The following SH3PXD2A variants were observed in gnomAD, a reference collection of about 807,000 sequenced individuals.
SH3PXD2A encodes the protein SH3 and PX domain-containing protein 2A.
SH3PXD2A carries 32 observed loss-of-function variants against 115.2 expected under a neutral mutation model. That is an observed-to-expected ratio of 0.28 (90% CI 0.21 to 0.37). The LOEUF (loss-of-function observed/expected upper bound fraction) is 0.37, where lower values mean the gene tolerates loss of function less well. SH3PXD2A is among the 10% of genes least tolerant of loss of function. The probability of loss-of-function intolerance (pLI) is 1.00; values close to 1 mark genes in which losing one functional copy is unlikely to be tolerated. For missense variants in SH3PXD2A, 1,328 were observed against 1,498.7 expected, an observed-to-expected ratio of 0.89 and a Z score of 1.88; for synonymous variants, 610 against 629.1, an observed-to-expected ratio of 0.97 and a Z score of 0.45.
chr10:103,738,220 G>A (rs577318941), intron 3 of SH3PXD2A, among the ~76,000 whole-genome samples: 16 of 152,344 alleles, frequency 1.1e-4, no homozygotes, highest in African/African-American at 2.6e-4. Flanking sequence ...GAGATAAAAC[G>A]TGATTTATCC....
intron 5 of SH3PXD2A, among the ~76,000 whole-genome samples, chr10:103,714,230 A>G (rs910267836): frequency 5.3e-5 from 8 of 152,182 alleles, no homozygotes; most frequent in Non-Finnish European, 1.2e-4. Flanking sequence ...AGGGCTCTGT[A>G]GGCCTTCCTT....
intron 2 of SH3PXD2A, among the ~76,000 whole-genome samples, chr10:103,790,101 C>T (rs966508608): frequency 6.6e-6 from 1 of 152,020 alleles, no homozygotes; most frequent in African/African-American, 2.4e-5. Flanking sequence ...CAGGCACACT[C>T]TCAGTGAGGC....
At chr10:103,803,112 CT>C (rs1164799371) in intron 1 of SH3PXD2A, among the ~76,000 whole-genome samples, 2 of 152,196 alleles carry the variant, frequency 1.3e-5, no homozygotes, top group Non-Finnish European at 2.9e-5. Context: ...TCTCTTCTCC[CT>C]TCCTATCTCT....
At chr10:103,690,099 C>T (rs546922671) in intron 6 of SH3PXD2A, among the ~76,000 whole-genome samples, 13 of 152,266 alleles carry the variant, frequency 8.5e-5, no homozygotes, top group South Asian at 2.1e-4. Context: ...GTCACCCCAT[C>T]GGAGCCTCAG....
intron 2 of SH3PXD2A, among the ~76,000 whole-genome samples, chr10:103,787,186 G>A (rs1303465868): frequency 1.3e-5 from 2 of 152,150 alleles, no homozygotes; most frequent in African/African-American, 2.4e-5. Context: ...AATCTGGCTC[G>A]CAGGTGAACC....
At chr10:103,793,441 C>T (rs531000332) in intron 2 of SH3PXD2A, among the ~76,000 whole-genome samples, 12 of 152,294 alleles carry the variant, frequency 7.9e-5, no homozygotes, top group Middle Eastern at 3.4e-3. Context: ...TTTGCTTTGA[C>T]TGCTGTACTA....
At position 103,602,499 on chromosome 10, in the gene SH3PXD2A, T is replaced by C. The variant is rs372246713; in HGVS notation, c.2719A>G (p.Lys907Glu). ...DENEQPDPSG[K>E]ELDTVPAKGR... ...TTGGCGGGCACTGTGTCCAGCTCTT[T>C]GCCAGAGGGGTCAGGTTGCTCGTTC... Residue 907 changes from lysine to glutamate, a missense_variant, in exon 15 of 15, where the codon AAA (lysine) becomes GAA (glutamate). Transcript: ENST00000369774. 8.1e-6 allele frequency: 13 copies of C among 1,614,032 alleles called. No individual in the cohort carries two copies. In the African/African-American group the frequency reaches 1.6e-4, roughly 20 times the overall value.
At chr10:103,814,560 T>C (rs2039304493) in intron 1 of SH3PXD2A, among the ~76,000 whole-genome samples, 1 of 152,140 alleles carries the variant, frequency 6.6e-6, no homozygotes. Context: ...TCTTGTGAAG[T>C]AATGGGATGG....
At chr10:103,848,524 TCTG>T (rs1842868609) in intron 1 of SH3PXD2A, among the ~76,000 whole-genome samples, 1 of 152,206 alleles carries the variant, frequency 6.6e-6, no homozygotes, top group African/African-American at 2.4e-5. Flanking sequence ...CTGAATTCCC[TCTG>T]CTGCCATCGG....
chr10:103,662,555 G>A (rs1339106083), intron 7 of SH3PXD2A, among the ~76,000 whole-genome samples: 3 of 150,284 alleles, frequency 2.0e-5, no homozygotes, highest in Admixed American at 6.6e-5. Context: ...GCCCGCCACC[G>A]CGCCCGGCTA....
intron 1 of SH3PXD2A, among the ~76,000 whole-genome samples, chr10:103,824,896 G>A (rs915161305): frequency 4.6e-5 from 7 of 152,120 alleles, no homozygotes; most frequent in African/African-American, 1.7e-4. Flanking sequence ...TCCACCTCCC[G>A]GATTCAAGCA....
At chr10:103,831,109 T>A (rs1020512022) in intron 1 of SH3PXD2A, among the ~76,000 whole-genome samples, 1 of 152,250 alleles carries the variant, frequency 6.6e-6, no homozygotes, top group Non-Finnish European at 1.5e-5. Context: ...TATTGTTTTG[T>A]GAATAATTTT....
chr10:103,855,367 C>T lies in SH3PXD2A; in HGVS notation c.-101G>A. 2.3e-6 allele frequency: 2 copies of T among 870,790 alleles called. No individual in the cohort carries two copies. The highest frequency in any genetic ancestry group is 3.3e-6 in the Non-Finnish European group (2 of 611,520). 53.9% of individuals were successfully genotyped at this position (870,790 alleles called of 1,614,324 possible). On this transcript the variant is annotated 5_prime_UTR_variant, in exon 1 of 15. Transcript: ENST00000369774. Reference sequence around the variant, plus strand: ...CTGCCGGGGTCCCGGGGCCGCCCGCCACCCCGGCCCGGCGCGCCGAACGCT... The same window carrying T: ...CTGCCGGGGTCCCGGGGCCGCCCGCTACCCCGGCCCGGCGCGCCGAACGCT...
Position 103,602,158 on chromosome 10 carries a change from A to G in SH3PXD2A, c.3060T>C (p.Thr1020=), listed in dbSNP as rs2036225541. Reference sequence around the variant, plus strand: ...TGGCCTCGGCGGCAGCGGAGCGAGCAGTGCTAAAGGAGGAGTTCCGTCGGA... The same window carrying G: ...TGGCCTCGGCGGCAGCGGAGCGAGCGGTGCTAAAGGAGGAGTTCCGTCGGA... ...RGVRRNSSFS[T]ARSAAAEAKG... Residue 1020 remains threonine, a synonymous_variant, in exon 15 of 15, where the codon ACT becomes ACC. Transcript: ENST00000369774. 1.9e-6 allele frequency: 3 copies of G among 1,574,584 alleles called. No homozygotes were observed. Among genetic ancestry groups the G allele is most frequent in the Non-Finnish European group, 2.6e-6 (3 of 1,158,744 alleles).
intron 6 of SH3PXD2A, among the ~76,000 whole-genome samples, chr10:103,680,798 A>C (rs970505918): frequency 6.6e-6 from 1 of 152,176 alleles, no homozygotes; most frequent in African/African-American, 2.4e-5. Context: ...AAACTCAGGA[A>C]AAAAATATTT....
intron 3 of SH3PXD2A, among the ~76,000 whole-genome samples, chr10:103,740,074 A>G (rs1380127819): frequency 1.3e-5 from 2 of 152,194 alleles, no homozygotes; most frequent in Admixed American, 6.5e-5. Context: ...CAGAGGAGGA[A>G]GGAGGAAAGG....
chr10:103,647,975 G>A (rs1236761045), intron 8 of SH3PXD2A, among the ~76,000 whole-genome samples: 1 of 152,146 alleles, frequency 6.6e-6, no homozygotes, highest in Non-Finnish European at 1.5e-5. Context: ...CTCCTATTCT[G>A]TTATCTTCAG....
chr10:103,739,891 G>A (rs963741246), intron 3 of SH3PXD2A, among the ~76,000 whole-genome samples: 3 of 152,196 alleles, frequency 2.0e-5, no homozygotes, highest in Non-Finnish European at 2.9e-5. Context: ...AAGGAGTGGG[G>A]GCCTCCGGTG....
chr10:103,718,498 G>C (rs865979017), intron 5 of SH3PXD2A, among the ~76,000 whole-genome samples: 81 of 152,140 alleles, frequency 5.3e-4, no homozygotes, highest in South Asian at 1.9e-3. Context: ...GGGGCTGGGG[G>C]GCTGGAGGGG....
Sources: allele counts gnomAD v4.1 joint callset (sites outside exome capture counted in the v4.1 genomes callset), GRCh38; gene constraint gnomAD v4.1.1; transcripts MANE v1.5; gene names NCBI Gene and HGNC (gene_info 2026-07-23, HGNC 2026-07-21).